Variants in LRMDA observed in about 807,000 individuals in gnomAD.
The protein encoded by LRMDA is leucine rich melanocyte differentiation associated.
In LRMDA, 18 loss-of-function variants were observed where a neutral mutation model predicts 29.8. That is an observed-to-expected ratio of 0.60 (90% CI 0.42 to 0.90). LRMDA has a LOEUF of 0.90. LRMDA is among the 40% of genes least tolerant of loss of function. The pLI, the probability that LRMDA is intolerant of heterozygous loss-of-function variation, is 0.00. For missense variants in LRMDA, 273 were observed against 273.9 expected (o/e 1.00, Z 0.02); for synonymous variants, 125 against 109.4 (o/e 1.14, Z -0.89).
chr10:75,678,865 A>G (rs1841991853), intron 2 of LRMDA, among the ~76,000 whole-genome samples: 1 of 152,200 alleles, frequency 6.6e-6, no homozygotes, highest in African/African-American at 2.4e-5. Context: ...AGTCTTGTTA[A>G]GGACCAAGGA....
At chr10:76,360,563 T>C (rs571476957) in intron 6 of LRMDA, among the ~76,000 whole-genome samples, 1 of 152,242 alleles carries the variant, frequency 6.6e-6, no homozygotes, top group Non-Finnish European at 1.5e-5. Flanking sequence ...TTCTCACTTC[T>C]GTGTAGTACT....
intron 5 of LRMDA, among the ~76,000 whole-genome samples, chr10:76,148,071 C>T (rs1440477744): frequency 6.6e-6 from 1 of 152,128 alleles, no homozygotes; most frequent in Non-Finnish European, 1.5e-5. Context: ...AGTACCCGGC[C>T]GTGTGAGGTG....
At position 75,674,892 on chromosome 10, in the gene LRMDA, A is replaced by G. The variant is rs117399874; in HGVS notation, c.131+236398A>G. 4.0e-4 allele frequency among the ~76,000 whole-genome samples: 61 copies of G among 152,280 alleles called. 1 individual carries two copies. In the East Asian group the frequency reaches 9.1e-3, roughly 23 times the overall value. On this transcript the variant is annotated intron_variant, in intron 2 of 6. Coordinates refer to ENST00000611255, the MANE Select transcript of LRMDA (RefSeq NM_001305581.2). The stretch of plus-strand genomic sequence containing the variant: ...AGGAGCTGAGAGCCATGTCTGACAT[A>G]TGTAAGTTTCGTTGTGGTTTCAATC...
intron 2 of LRMDA, among the ~76,000 whole-genome samples, chr10:75,856,119 G>C (rs191112920): frequency 6.6e-6 from 1 of 152,130 alleles, no homozygotes; most frequent in Admixed American, 6.5e-5. Context: ...TTGGTAGCTT[G>C]ATGGGGATGG....
At chr10:76,284,075 G>A (rs74913631) in intron 5 of LRMDA, among the ~76,000 whole-genome samples, 25 of 152,196 alleles carry the variant, frequency 1.6e-4, no homozygotes, top group African/African-American at 5.5e-4. Flanking sequence ...CTTTTTCCAC[G>A]AAAGTACCTA....
At chr10:75,507,002 G>A (rs965702389) in intron 2 of LRMDA, among the ~76,000 whole-genome samples, 4 of 152,112 alleles carry the variant, frequency 2.6e-5, no homozygotes, top group African/African-American at 9.7e-5. Flanking sequence ...GGGTGAGTGC[G>A]TGTTTGGGGA....
At chr10:76,426,130 G>C (rs1215151440) in intron 6 of LRMDA, among the ~76,000 whole-genome samples, 1 of 152,158 alleles carries the variant, frequency 6.6e-6, no homozygotes, top group Non-Finnish European at 1.5e-5. Context: ...TAATGGGATG[G>C]CTGGGTCAAA....
chr10:75,893,267 C>T (rs1845525190), intron 2 of LRMDA, among the ~76,000 whole-genome samples: 2 of 152,036 alleles, frequency 1.3e-5, no homozygotes, highest in Admixed American at 6.6e-5. Context: ...ATAGATGACA[C>T]CAAAATATTT....
chr10:76,041,115 A>G (rs1324530344), intron 3 of LRMDA, among the ~76,000 whole-genome samples: 2 of 152,224 alleles, frequency 1.3e-5, no homozygotes, highest in African/African-American at 4.8e-5. Flanking sequence ...TTTAAATGGT[A>G]TAATATGTAG....
intron 6 of LRMDA, among the ~76,000 whole-genome samples, chr10:76,397,501 A>T (rs950688238): frequency 6.6e-6 from 1 of 152,186 alleles, no homozygotes; most frequent in Non-Finnish European, 1.5e-5. Context: ...CCACTTCATA[A>T]TTTGTTTCTG....
At chr10:75,618,621 A>G (rs923930330) in intron 2 of LRMDA, among the ~76,000 whole-genome samples, 1 of 149,676 alleles carries the variant, frequency 6.7e-6, no homozygotes, top group African/African-American at 2.4e-5. Context: ...CTCAAAACCT[A>G]ACTACTAATA....
chr10:76,342,757 A>C (rs540020081), intron 6 of LRMDA, among the ~76,000 whole-genome samples: 2 of 152,292 alleles, frequency 1.3e-5, no homozygotes, highest in South Asian at 2.1e-4. Context: ...CAAGTGGATA[A>C]TTTTGTAGGA....
intron 2 of LRMDA, among the ~76,000 whole-genome samples, chr10:75,787,768 G>T (rs145459861): frequency 6.6e-6 from 1 of 152,218 alleles, no homozygotes. Context: ...GGTGGCTTGC[G>T]CCTGTAATCC....
At chr10:75,845,006 G>C (rs548027900) in intron 2 of LRMDA, among the ~76,000 whole-genome samples, 1 of 152,184 alleles carries the variant, frequency 6.6e-6, no homozygotes, top group Non-Finnish European at 1.5e-5. Flanking sequence ...ATGTTGAAGT[G>C]TGGCAACGCT....
chr10:76,310,278 T>A (rs2758977), intron 5 of LRMDA, among the ~76,000 whole-genome samples: 131,740 of 152,188 alleles, frequency 0.87, 57,878 homozygotes, highest in Non-Finnish European at 0.95. Context: ...TTGGCCAGGC[T>A]CCAGGCACAT....
intron 6 of LRMDA, among the ~76,000 whole-genome samples, chr10:76,521,238 A>G (rs959913114): frequency 6.8e-6 from 1 of 147,676 alleles, no homozygotes; most frequent in African/African-American, 2.5e-5. Flanking sequence ...GGTTCATGCC[A>G]TTCTCCTGCC....
chr10:75,445,901 G>T (rs1844388220), intron 2 of LRMDA, among the ~76,000 whole-genome samples: 1 of 152,258 alleles, frequency 6.6e-6, no homozygotes, highest in African/African-American at 2.4e-5. Flanking sequence ...TCTGATAAAT[G>T]CATGGGCTGG....
intron 2 of LRMDA, among the ~76,000 whole-genome samples, chr10:75,882,291 C>T (rs1218786896): frequency 6.6e-6 from 1 of 152,122 alleles, no homozygotes; most frequent in Admixed American, 6.5e-5. Context: ...TCACTGCAAG[C>T]CAAACTCAAA....
At chr10:75,464,713 T>G (rs1844628794) in intron 2 of LRMDA, among the ~76,000 whole-genome samples, 1 of 152,140 alleles carries the variant, frequency 6.6e-6, no homozygotes, top group East Asian at 1.9e-4. Context: ...GTGTTTATTT[T>G]CGGATGGAAT....
Sources: gnomAD v4.1 joint callset for allele counts (sites outside exome capture counted in the v4.1 genomes callset) on GRCh38, gnomAD v4.1.1 for gene constraint, MANE v1.5 for transcripts, NCBI Gene and HGNC (gene_info 2026-07-23, HGNC 2026-07-21) for gene names.